DPP10: variants seen among roughly 807,000 people sequenced by gnomAD.
DPP10 encodes dipeptidyl peptidase like 10, also known as inactive dipeptidyl peptidase 10.
DPP10 carries 33 observed loss-of-function variants against 120.9 expected under a neutral mutation model. The observed-to-expected ratio is 0.27, with a 90% confidence interval of 0.21 to 0.37. The LOEUF (loss-of-function observed/expected upper bound fraction) is 0.37, where lower values mean the gene tolerates loss of function less well. Ranked by LOEUF, DPP10 falls within the 10% of genes least tolerant of loss-of-function variation. The probability of loss-of-function intolerance (pLI) is 1.00; values close to 1 mark genes in which losing one functional copy is unlikely to be tolerated. For synonymous variants in DPP10, 337 were observed against 326.1 expected (o/e 1.03, Z -0.36); for missense variants, 816 against 942.8 (o/e 0.87, Z 1.76).
At chr2:114,800,297 A>C (rs998540048) in intron 1 of DPP10, among the ~76,000 whole-genome samples, 3 of 152,226 alleles carry the variant, frequency 2.0e-5, no homozygotes, top group Non-Finnish European at 2.9e-5. Context: ...TCAGTTAGGA[A>C]CGATATGAGG....
chr2:115,199,081 A>G (rs1314396080), intron 1 of DPP10, among the ~76,000 whole-genome samples: 1 of 152,158 alleles, frequency 6.6e-6, no homozygotes, highest in Non-Finnish European at 1.5e-5. Context: ...AATAGCTAAC[A>G]TTTATTGAAG....
chr2:114,494,101 CAAAAAAA>C (rs58552540), intron 1 of DPP10, among the ~76,000 whole-genome samples: 3 of 77,162 alleles, frequency 3.9e-5, no homozygotes, highest in African/African-American at 1.5e-4. Flanking sequence ...AGCAATAAGG[CAAAAAAA>C]AAAAAAAAAA....
intron 1 of DPP10, among the ~76,000 whole-genome samples, chr2:114,593,525 C>T (rs1200320799): frequency 6.6e-6 from 1 of 152,166 alleles, no homozygotes; most frequent in Non-Finnish European, 1.5e-5. Context: ...CGCAAATCTC[C>T]CTCCAAATTT....
chr2:115,198,076 T>A (rs1185290655), intron 1 of DPP10, among the ~76,000 whole-genome samples: 2 of 152,242 alleles, frequency 1.3e-5, no homozygotes, highest in Non-Finnish European at 2.9e-5. Context: ...TTATTCACTG[T>A]ACTTTCTCAT....
intron 7 of DPP10, among the ~76,000 whole-genome samples, chr2:115,712,566 A>AT (rs70941090): frequency 2.5e-5 from 3 of 121,616 alleles, no homozygotes; most frequent in African/African-American, 5.9e-5. Context: ...ATATATATAT[A>AT]AAGAAACTGT....
intron 3 of DPP10, among the ~76,000 whole-genome samples, chr2:115,378,251 C>T (rs2065973606): frequency 6.6e-6 from 1 of 151,530 alleles, no homozygotes; most frequent in Non-Finnish European, 1.5e-5. Flanking sequence ...TGTAGTTCTC[C>T]TTGAAGAGGT....
At chr2:115,711,180 G>T (rs563335165) in intron 7 of DPP10, among the ~76,000 whole-genome samples, 2 of 152,184 alleles carry the variant, frequency 1.3e-5, no homozygotes, top group African/African-American at 4.8e-5. Flanking sequence ...GTGAATAGTG[G>T]ATTCGCTGTC....
At chr2:115,195,765 C>T (rs1336849578) in intron 1 of DPP10, among the ~76,000 whole-genome samples, 1 of 152,164 alleles carries the variant, frequency 6.6e-6, no homozygotes, top group Non-Finnish European at 1.5e-5. Flanking sequence ...TATGCGCTTC[C>T]TTCCCTCAAT....
chr2:115,617,961 T>C (rs1266979447), intron 5 of DPP10, among the ~76,000 whole-genome samples: 1 of 152,216 alleles, frequency 6.6e-6, no homozygotes, highest in African/African-American at 2.4e-5. Context: ...TTTATTGTAC[T>C]TTACTCACCC....
chr2:115,575,293 T>C (rs2081585306), intron 5 of DPP10, among the ~76,000 whole-genome samples: 1 of 152,328 alleles, frequency 6.6e-6, no homozygotes, highest in East Asian at 1.9e-4. Context: ...ATTCATTGGA[T>C]AAAATATATC....
At chr2:114,637,935 C>T (rs1458355738) in intron 1 of DPP10, among the ~76,000 whole-genome samples, 8 of 151,860 alleles carry the variant, frequency 5.3e-5, no homozygotes, top group Non-Finnish European at 1.0e-4. Context: ...TCCAGCTTTG[C>T]TCTTTTTGCT....
At chr2:114,866,443 T>TA (rs1004609743) in intron 1 of DPP10, among the ~76,000 whole-genome samples, 3 of 152,192 alleles carry the variant, frequency 2.0e-5, no homozygotes, top group Non-Finnish European at 4.4e-5. Context: ...TTATATAACT[T>TA]ACAATAGTTA....
chr2:114,690,468 C>T (rs2105764141), intron 1 of DPP10, among the ~76,000 whole-genome samples: 1 of 152,170 alleles, frequency 6.6e-6, no homozygotes, highest in South Asian at 2.1e-4. Context: ...CCGTACCATG[C>T]TGTTTTGGTT....
At chr2:115,602,503 A>T (rs1423881187) in intron 5 of DPP10, among the ~76,000 whole-genome samples, 1 of 152,326 alleles carries the variant, frequency 6.6e-6, no homozygotes, top group Admixed American at 6.5e-5. Context: ...AGCATCTTTT[A>T]AAAAAATTAT....
intron 1 of DPP10, among the ~76,000 whole-genome samples, chr2:114,918,874 T>C (rs1158738656): frequency 6.6e-6 from 1 of 151,912 alleles, no homozygotes; most frequent in Non-Finnish European, 1.5e-5. Flanking sequence ...GATGAAATCA[T>C]TTGTACACCA....
intron 5 of DPP10, among the ~76,000 whole-genome samples, chr2:115,590,495 A>G (rs2082586190): frequency 6.6e-6 from 1 of 152,136 alleles, no homozygotes; most frequent in Non-Finnish European, 1.5e-5. Flanking sequence ...AAGGACATGA[A>G]CTCATCCTTT....
intron 1 of DPP10, among the ~76,000 whole-genome samples, chr2:115,228,031 TC>T (rs1299287947): frequency 6.6e-6 from 1 of 151,826 alleles, no homozygotes; most frequent in Admixed American, 6.6e-5. Context: ...CAACCAATTC[TC>T]CTGCTACGGC....
chr2:114,892,336 A>G (rs1220852234), intron 1 of DPP10, among the ~76,000 whole-genome samples: 1 of 152,066 alleles, frequency 6.6e-6, no homozygotes, highest in Non-Finnish European at 1.5e-5. Context: ...CCTCACACCC[A>G]CTCTGTGTAC....
chr2:114,908,752 A>G (rs539861255), intron 1 of DPP10, among the ~76,000 whole-genome samples: 1 of 151,794 alleles, frequency 6.6e-6, no homozygotes, highest in Non-Finnish European at 1.5e-5. Context: ...AAATAATTAT[A>G]TAATTTATTC....
Sources: gnomAD v4.1 joint callset for allele counts (sites outside exome capture counted in the v4.1 genomes callset) on GRCh38, gnomAD v4.1.1 for gene constraint, MANE v1.5 for transcripts, NCBI Gene and HGNC (gene_info 2026-07-23, HGNC 2026-07-21) for gene names.